INPP4B: variants seen among roughly 807,000 people sequenced by gnomAD.
INPP4B encodes inositol polyphosphate 4-phosphatase type II.
Under a neutral mutation model 122.5 loss-of-function variants are expected in INPP4B, and 55 were observed. That is an observed-to-expected ratio of 0.45 (90% CI 0.36 to 0.56). INPP4B has a LOEUF of 0.56. Among genes scored for constraint, INPP4B ranks in the 20% least tolerant of loss-of-function variants. The pLI is 0.00. For missense variants in INPP4B, 1,000 were observed against 1,097.7 expected (o/e 0.91, Z 1.26); for synonymous variants, 403 against 388.7 (o/e 1.04, Z -0.43).
chr4:142,086,684 A>T (rs1241518956), intron 23 of INPP4B, among the ~76,000 whole-genome samples: 2 of 152,190 alleles, frequency 1.3e-5, no homozygotes, highest in African/African-American at 4.8e-5. Context: ...AAGAAATATC[A>T]TTTGAAGCTA....
intron 12 of INPP4B, among the ~76,000 whole-genome samples, chr4:142,228,947 G>A (rs1029935779): frequency 3.3e-5 from 5 of 151,510 alleles, no homozygotes; most frequent in Non-Finnish European, 5.9e-5. Flanking sequence ...AAAGTAATAA[G>A]AGTTTAAGTT....
At chr4:142,799,204 T>C (rs924250189) in intron 1 of INPP4B, among the ~76,000 whole-genome samples, 3 of 151,996 alleles carry the variant, frequency 2.0e-5, no homozygotes, top group Non-Finnish European at 4.4e-5. Context: ...TACAACCCCT[T>C]GTTCTGCTTT....
intron 2 of INPP4B, among the ~76,000 whole-genome samples, chr4:142,485,537 T>TA (rs1247753406): frequency 6.6e-6 from 1 of 152,126 alleles, no homozygotes; most frequent in African/African-American, 2.4e-5. Context: ...ACAAAACTAG[T>TA]ATGAATATGG....
At chr4:142,782,543 C>T (rs999221524) in intron 1 of INPP4B, among the ~76,000 whole-genome samples, 13 of 151,444 alleles carry the variant, frequency 8.6e-5, no homozygotes, top group Non-Finnish European at 1.6e-4. Context: ...TTCTAGATCC[C>T]TGAGGAATCT....
intron 7 of INPP4B, among the ~76,000 whole-genome samples, chr4:142,365,557 G>T (rs1787134706): frequency 6.6e-6 from 1 of 152,082 alleles, no homozygotes; most frequent in Admixed American, 6.6e-5. Flanking sequence ...ATCTAGAGAG[G>T]TTTACACTTG....
At chr4:142,031,696 C>T (rs900103351) in intron 25 of INPP4B, among the ~76,000 whole-genome samples, 2 of 152,108 alleles carry the variant, frequency 1.3e-5, no homozygotes, top group African/African-American at 2.4e-5. Flanking sequence ...AGAAAATGTA[C>T]AGTATTTTAG....
intron 15 of INPP4B, among the ~76,000 whole-genome samples, chr4:142,190,717 AGT>A (rs374099702): frequency 0.031 from 4,442 of 143,920 alleles, 211 homozygotes; most frequent in African/African-American, 0.11. Context: ...GATCTGTAAG[AGT>A]GTGTGTGTGT....
intron 14 of INPP4B, among the ~76,000 whole-genome samples, chr4:142,205,691 A>T (rs2149489870): frequency 6.6e-6 from 1 of 152,288 alleles, no homozygotes; most frequent in African/African-American, 2.4e-5. Flanking sequence ...TCATGTAAAA[A>T]GCGGTAGTGC....
chr4:142,033,084 A>G (rs747626364), intron 25 of INPP4B, among the ~76,000 whole-genome samples: 17 of 152,216 alleles, frequency 1.1e-4, no homozygotes, highest in Non-Finnish European at 2.4e-4. Context: ...AAAGAAAAAG[A>G]AAAGGAATCT....
In INPP4B at chr4:142,497,441, T is replaced by A. The variant is rs550891585; in HGVS notation, c.-190-34715A>T. The stretch of plus-strand genomic sequence containing the variant: ...GAATCAAAGCTACATCTGTTAATAA[T>A]GAAAACCTCAAATTTATACAGAGGC... On this transcript the variant is annotated intron_variant, in intron 2 of 25. Coordinates refer to ENST00000262992, the MANE Select transcript of INPP4B (RefSeq NM_001101669.3). Among the ~76,000 whole-genome samples, 4 of 152,252 alleles carry A rather than the reference T, an allele frequency of 2.6e-5. No individual in the cohort carries two copies. The South Asian group carries it at 8.3e-4, about 32-fold the overall frequency.
At chr4:142,737,779 C>A (rs1342518060) in intron 1 of INPP4B, among the ~76,000 whole-genome samples, 1 of 151,852 alleles carries the variant, frequency 6.6e-6, no homozygotes, top group Non-Finnish European at 1.5e-5. Flanking sequence ...AAAAACAACC[C>A]CATCAAAAAG....
intron 2 of INPP4B, among the ~76,000 whole-genome samples, chr4:142,639,242 C>A (rs77654095): frequency 0.029 from 4,341 of 152,122 alleles, 77 homozygotes; most frequent in Non-Finnish European, 0.041. Context: ...TTTGTAATAT[C>A]TTTGGCTTTA....
intron 2 of INPP4B, among the ~76,000 whole-genome samples, chr4:142,487,951 A>G (rs1239563884): frequency 2.6e-5 from 4 of 152,088 alleles, no homozygotes; most frequent in Non-Finnish European, 2.9e-5. Flanking sequence ...ATTTCAGTAC[A>G]ATGTTGAATA....
intron 2 of INPP4B, among the ~76,000 whole-genome samples, chr4:142,510,418 T>G (rs940607071): frequency 6.6e-6 from 1 of 152,230 alleles, no homozygotes; most frequent in African/African-American, 2.4e-5. Flanking sequence ...AAAAAGAAGT[T>G]ATTATAGCAA....
intron 7 of INPP4B, among the ~76,000 whole-genome samples, chr4:142,353,900 T>G (rs995712776): frequency 2.0e-4 from 30 of 151,988 alleles, no homozygotes; most frequent in African/African-American, 7.0e-4. Flanking sequence ...TTCTAAAATG[T>G]TTTTGATTCC....
intron 2 of INPP4B, among the ~76,000 whole-genome samples, chr4:142,722,207 G>A (rs950846954): frequency 2.0e-5 from 3 of 152,154 alleles, no homozygotes; most frequent in Non-Finnish European, 4.4e-5. Flanking sequence ...GTGAGTGAAT[G>A]TAGTGTAGGC....
intron 2 of INPP4B, among the ~76,000 whole-genome samples, chr4:142,696,712 G>A (rs913458701): frequency 1.3e-5 from 2 of 152,142 alleles, no homozygotes; most frequent in Non-Finnish European, 2.9e-5. Context: ...CACAGCCATC[G>A]ACTTCTGATC....
intron 23 of INPP4B, among the ~76,000 whole-genome samples, chr4:142,101,797 T>A (rs1784593296): frequency 6.6e-6 from 1 of 152,168 alleles, no homozygotes; most frequent in Admixed American, 6.6e-5. Flanking sequence ...GAAAACAAAA[T>A]CTAATAATCT....
intron 2 of INPP4B, among the ~76,000 whole-genome samples, chr4:142,544,657 A>G (rs1357808964): frequency 6.6e-6 from 1 of 152,160 alleles, no homozygotes; most frequent in East Asian, 1.9e-4. Context: ...GGAGGGTTGG[A>G]AGCAGCAACT....
Sources: allele counts gnomAD v4.1 joint callset (sites outside exome capture counted in the v4.1 genomes callset), GRCh38; gene constraint gnomAD v4.1.1; transcripts MANE v1.5; gene names NCBI Gene and HGNC (gene_info 2026-07-23, HGNC 2026-07-21).